Variants in SLC17A5 observed in about 807,000 individuals in gnomAD.
The protein encoded by SLC17A5 is solute carrier family 17 member 5, also known as sialin.
In SLC17A5, 47 loss-of-function variants were observed where a neutral mutation model predicts 59.4. The ratio of observed to expected loss-of-function variants is 0.79; its 90% CI spans 0.63 to 1.01. The LOEUF is 1.01. Among genes scored for constraint, SLC17A5 ranks in the 50% least tolerant of loss-of-function variants. The pLI is 0.00. For missense variants in SLC17A5, 522 were observed against 595.5 expected (o/e 0.88, Z 1.28); for synonymous variants, 202 against 210.7 (o/e 0.96, Z 0.36).
At chr6:73,610,626 AT>A in intron 8 of SLC17A5, 79 bp from the exon 9 acceptor site, 1 of 1,521,404 alleles carries the variant, frequency 6.6e-7, no homozygotes, top group Non-Finnish European at 9.1e-7. Flanking sequence ...TAAATCTGAA[AT>A]TTGAAATTGC....
At chr6:73,602,010 G>C (rs1349964456) in intron 9 of SLC17A5, among the ~76,000 whole-genome samples, 1 of 152,080 alleles carries the variant, frequency 6.6e-6, no homozygotes, top group Non-Finnish European at 1.5e-5. Context: ...GGGAAAGGTG[G>C]GGAAAAGATT....
chr6:73,620,044 C>T (rs542915195), intron 7 of SLC17A5, among the ~76,000 whole-genome samples: 8 of 151,706 alleles, frequency 5.3e-5, no homozygotes, highest in Non-Finnish European at 1.0e-4. Flanking sequence ...CTGCTTCAGC[C>T]TCTCGAGTAG....
chr6:73,600,738 T>C (rs1767022187), intron 9 of SLC17A5, among the ~76,000 whole-genome samples: 1 of 152,130 alleles, frequency 6.6e-6, no homozygotes, highest in Admixed American at 6.6e-5. Context: ...TGACCTCAAG[T>C]GATCTGCCTG....
chr6:73,620,070 C>T (rs981580971), intron 7 of SLC17A5, among the ~76,000 whole-genome samples: 4 of 151,794 alleles, frequency 2.6e-5, no homozygotes, highest in Non-Finnish European at 5.9e-5. Flanking sequence ...ACTACAAGTG[C>T]CTGCTACCAT....
At chr6:73,642,919 T>C (rs1769355091) in intron 2 of SLC17A5, among the ~76,000 whole-genome samples, 1 of 152,200 alleles carries the variant, frequency 6.6e-6, no homozygotes, top group Non-Finnish European at 1.5e-5. Flanking sequence ...CCAGCAGTAT[T>C]GTCCCTGAAG....
intron 9 of SLC17A5, among the ~76,000 whole-genome samples, chr6:73,604,458 T>C (rs892774156): frequency 6.6e-6 from 1 of 152,188 alleles, no homozygotes; most frequent in African/African-American, 2.4e-5. Flanking sequence ...AATCTCTATT[T>C]TGGGGCCGGG....
chr6:73,641,990 C>G (rs1236122732), intron 2 of SLC17A5, 66 bp from the exon 3 acceptor site: 36 of 1,351,738 alleles, frequency 2.7e-5, no homozygotes, highest in Non-Finnish European at 3.3e-5. Context: ...TTTTCTCTTA[C>G]TGGCATGTAA....
At position 73,635,999 on chromosome 6, in the gene SLC17A5, A is replaced by G. The variant is rs953172038; in HGVS notation, c.701-499T>C. Among the ~76,000 whole-genome samples, 3 of 152,110 alleles carry G rather than the reference A, an allele frequency of 2.0e-5. No homozygotes were observed. In the South Asian group the frequency reaches 6.2e-4, roughly 32 times the overall value. The stretch of plus-strand genomic sequence containing the variant: ...CGTGATCCACCCGCCTCGGCCTCCC[A>G]AAGTGCTGGGATTACAGGTGTGAGC... On this transcript the variant is annotated intron_variant, in intron 5 of 10. Transcript: ENST00000355773.
chr6:73,630,939 G>A (rs1382952753), intron 6 of SLC17A5, among the ~76,000 whole-genome samples: 2 of 150,398 alleles, frequency 1.3e-5, no homozygotes, highest in Non-Finnish European at 2.9e-5. Context: ...CCGGCTACTC[G>A]GGAGGCTGAG....
intron 2 of SLC17A5, among the ~76,000 whole-genome samples, chr6:73,643,409 C>T (rs1344564052): frequency 6.6e-6 from 1 of 152,040 alleles, no homozygotes; most frequent in East Asian, 1.9e-4. Flanking sequence ...ATCCATGTGC[C>T]TCGGCCTCCC....
intron 10 of SLC17A5, among the ~76,000 whole-genome samples, chr6:73,599,691 T>A (rs986350549): frequency 6.6e-6 from 1 of 152,230 alleles, no homozygotes; most frequent in Non-Finnish European, 1.5e-5. Flanking sequence ...CCGTGTCACT[T>A]AAGGAATTAG....
At chr6:73,645,501 A>G in intron 1 of SLC17A5, 1 of 985,128 alleles carries the variant, frequency 1.0e-6, no homozygotes, top group Non-Finnish European at 1.2e-6. Context: ...TTAAAAAAAA[A>G]GGATGCCGGG....
At chr6:73,602,546 G>A (rs1162813807) in intron 9 of SLC17A5, among the ~76,000 whole-genome samples, 3 of 152,106 alleles carry the variant, frequency 2.0e-5, no homozygotes, top group Admixed American at 1.3e-4. Context: ...AGGCCGAGGC[G>A]GGTGGATCAC....
intron 9 of SLC17A5, among the ~76,000 whole-genome samples, chr6:73,603,317 C>T (rs912676255): frequency 3.9e-5 from 6 of 152,066 alleles, no homozygotes; most frequent in Non-Finnish European, 1.5e-5. Flanking sequence ...CTCCTGATCT[C>T]AGGTGATCCA....
chr6:73,614,058 G>T (rs909471033), intron 8 of SLC17A5, among the ~76,000 whole-genome samples: 3 of 152,204 alleles, frequency 2.0e-5, no homozygotes, highest in Admixed American at 2.0e-4. Flanking sequence ...TTGAGTTCAG[G>T]AGTTAAAGAC....
chr6:73,639,686 C>A (rs933926975), intron 3 of SLC17A5, among the ~76,000 whole-genome samples: 1 of 152,144 alleles, frequency 6.6e-6, no homozygotes, highest in African/African-American at 2.4e-5. Context: ...AGGAAATGCA[C>A]CTGTGATACA....
At chr6:73,616,567 A>ACG (rs1561990371) in intron 7 of SLC17A5, among the ~76,000 whole-genome samples, 29 of 123,856 alleles carry the variant, frequency 2.3e-4, no homozygotes, top group African/African-American at 9.2e-4. Context: ...ACACACACAC[A>ACG]CACACACACA....
chr6:73,596,282 G>C (rs1359766387), intron 10 of SLC17A5, among the ~76,000 whole-genome samples: 1 of 152,128 alleles, frequency 6.6e-6, no homozygotes, highest in East Asian at 1.9e-4. Flanking sequence ...AAGGTGTCAG[G>C]TGGATCAAGT....
intron 7 of SLC17A5, among the ~76,000 whole-genome samples, chr6:73,621,436 G>A (rs1259450974): frequency 2.0e-5 from 3 of 152,198 alleles, no homozygotes; most frequent in Non-Finnish European, 4.4e-5. Flanking sequence ...ACTACACCCG[G>A]CCTGATGTCG....
Sources: gnomAD v4.1 joint callset for allele counts (sites outside exome capture counted in the v4.1 genomes callset) on GRCh38, gnomAD v4.1.1 for gene constraint, MANE v1.5 for transcripts, NCBI Gene and HGNC (gene_info 2026-07-23, HGNC 2026-07-21) for gene names.